The following SGPL1 variants were observed in gnomAD, a reference collection of about 807,000 sequenced individuals.
The protein encoded by SGPL1 is SP-lyase 1.
In SGPL1, 37 loss-of-function variants were observed where a neutral mutation model predicts 68.9. The ratio of observed to expected loss-of-function variants is 0.54; its 90% CI spans 0.41 to 0.71. The LOEUF (loss-of-function observed/expected upper bound fraction) is 0.71. Among genes scored for constraint, SGPL1 ranks in the 30% least tolerant of loss-of-function variants. The pLI is 0.00. For missense variants in SGPL1, 551 were observed against 704.6 expected (o/e 0.78, Z 2.47); for synonymous variants, 236 against 248.5 (o/e 0.95, Z 0.47).
At chr10:70,845,818 A>T (rs187002266) in intron 3 of SGPL1, among the ~76,000 whole-genome samples, 2 of 152,270 alleles carry the variant, frequency 1.3e-5, no homozygotes, top group Non-Finnish European at 2.9e-5. Context: ...GGGATAAGAA[A>T]ACAGTAACAT....
intron 7 of SGPL1, among the ~76,000 whole-genome samples, chr10:70,863,143 T>C (rs2131922891): frequency 6.6e-6 from 1 of 152,116 alleles, no homozygotes; most frequent in African/African-American, 2.4e-5. Flanking sequence ...TGCACCACCA[T>C]GCCTCGCTAA....
Position 70,873,407 on chromosome 10 carries a change from GA to G in SGPL1, c.1118del (p.Asn373ThrfsTer36). 2 of 1,614,232 alleles carry G rather than the reference GA, an allele frequency of 1.2e-6. No individual in the cohort carries two copies. Among genetic ancestry groups the G allele is most frequent in the Non-Finnish European group, 1.7e-6 (2 of 1,180,034 alleles). On this transcript the variant is annotated frameshift_variant, in exon 12 of 15. Transcript: ENST00000373202. LOFTEE classifies it high-confidence loss of function. ...LVLYSDKKYR[N>X]YQFFVDTDWQ... ...TGTTGTATAGTGACAAGAAGTACAGGAACTATCAGTTCTTCGTCGATACAGA... is the reference window on the plus strand; with the variant it reads ...TGTTGTATAGTGACAAGAAGTACAGGACTATCAGTTCTTCGTCGATACAGA...
chr10:70,876,670 A>G lies in SGPL1; in HGVS notation c.1566+9A>G, dbSNP rs763594645. ...CGAAGACCACAGGAATGGTAGGGAC[A>G]CTTGGAGTTTTTTTTCTTCTCTTGG... On this transcript the variant is annotated intron_variant, in intron 14 of 14. Coordinates refer to ENST00000373202, the MANE Select transcript of SGPL1 (RefSeq NM_003901.4). 1.9e-6 allele frequency: 3 copies of G among 1,601,800 alleles called. No individual in the cohort carries two copies. Among genetic ancestry groups the G allele is most frequent in the Non-Finnish European group, 2.5e-6 (3 of 1,176,518 alleles).
At chr10:70,817,549 T>C (rs1234670634) in intron 2 of SGPL1, among the ~76,000 whole-genome samples, 1 of 152,208 alleles carries the variant, frequency 6.6e-6, no homozygotes, top group African/African-American at 2.4e-5. Context: ...GTGATCCTCT[T>C]GCTTCAGCCT....
At chr10:70,824,423 A>C (rs929607093) in intron 2 of SGPL1, among the ~76,000 whole-genome samples, 1 of 152,240 alleles carries the variant, frequency 6.6e-6, no homozygotes, top group African/African-American at 2.4e-5. Context: ...ATTAGCGACC[A>C]CAATTTCAAC....
chr10:70,841,753 C>G (rs1391123544), intron 2 of SGPL1, among the ~76,000 whole-genome samples: 7 of 152,100 alleles, frequency 4.6e-5, no homozygotes, highest in Admixed American at 2.6e-4. Flanking sequence ...TGTCCTTTTT[C>G]TAAGCTTTCA....
rs1260688040 is a variant in SGPL1 at position 70,844,502 on chromosome 10, G to A, written c.57G>A (p.Leu19=). 6.2e-7 allele frequency: 1 copy of A among 1,613,808 alleles called. No individual in the cohort carries two copies. Among genetic ancestry groups the A allele is most frequent in the Non-Finnish European group, 8.5e-7 (1 of 1,179,838 alleles). ...CCTTTGAGCCCTACTTAGAGATTTT[G>A]GAAGTATACTCCACAAAAGCCAAGA... The part of the protein sequence containing the change: ...LKAFEPYLEI[L]EVYSTKAKNY... The change falls in exon 3 of 15, where the codon TTG becomes TTA. Residue 19 remains leucine, a synonymous_variant. Transcript: ENST00000373202.
chr10:70,835,658 C>A (rs1845615651), intron 2 of SGPL1, among the ~76,000 whole-genome samples: 1 of 150,678 alleles, frequency 6.6e-6, no homozygotes, highest in Non-Finnish European at 1.5e-5. Flanking sequence ...ATGGCTTGAA[C>A]CCGGGAGGTG....
At chr10:70,855,116 T>C (rs372376377) in intron 5 of SGPL1, among the ~76,000 whole-genome samples, 15 of 152,230 alleles carry the variant, frequency 9.9e-5, no homozygotes, top group African/African-American at 3.1e-4. Context: ...CAAATATATT[T>C]GTGTTTAAGA....
At chr10:70,861,015 C>G (rs1209428693) in intron 7 of SGPL1, among the ~76,000 whole-genome samples, 8 of 151,394 alleles carry the variant, frequency 5.3e-5, no homozygotes, top group Non-Finnish European at 7.4e-5. Context: ...TCTTTGAAAG[C>G]CTTTTTTCTC....
intron 7 of SGPL1, among the ~76,000 whole-genome samples, chr10:70,867,189 T>C (rs569127531): frequency 6.6e-6 from 1 of 152,206 alleles, no homozygotes; most frequent in South Asian, 2.1e-4. Context: ...CATTCTCATA[T>C]ATTATTTTTT....
At chr10:70,851,050 C>G in intron 3 of SGPL1, 93 bp from the exon 4 acceptor site, 1 of 926,072 alleles carries the variant, frequency 1.1e-6, no homozygotes, top group Non-Finnish European at 1.7e-6. Flanking sequence ...AATTGGAAGG[C>G]AAGTGAGGTG....
chr10:70,827,988 T>C (rs1475021076), intron 2 of SGPL1, among the ~76,000 whole-genome samples: 1 of 152,218 alleles, frequency 6.6e-6, no homozygotes, highest in Non-Finnish European at 1.5e-5. Context: ...CTTATTGCTG[T>C]GTAGTGTTAC....
At chr10:70,832,341 A>T (rs973366637) in intron 2 of SGPL1, among the ~76,000 whole-genome samples, 12 of 152,214 alleles carry the variant, frequency 7.9e-5, no homozygotes, top group African/African-American at 2.7e-4. Context: ...AGCTTTAGTT[A>T]GGTTACACTT....
intron 12 of SGPL1, among the ~76,000 whole-genome samples, chr10:70,874,993 A>G (rs933612377): frequency 4.6e-5 from 7 of 152,378 alleles, no homozygotes; most frequent in Admixed American, 1.3e-4. Flanking sequence ...AAGACCTGCT[A>G]TACCATTTCT....
chr10:70,853,090 T>C (rs1311070294), intron 4 of SGPL1, among the ~76,000 whole-genome samples: 1 of 152,244 alleles, frequency 6.6e-6, no homozygotes, highest in East Asian at 1.9e-4. Flanking sequence ...TCAGCTTTCA[T>C]AGCCTGTTCT....
At chr10:70,822,298 A>T (rs1449053718) in intron 2 of SGPL1, among the ~76,000 whole-genome samples, 4 of 152,222 alleles carry the variant, frequency 2.6e-5, no homozygotes, top group Non-Finnish European at 5.9e-5. Flanking sequence ...TTATAGATGA[A>T]ACAGAGCTGT....
At chr10:70,824,798 A>G (rs1385837660) in intron 2 of SGPL1, among the ~76,000 whole-genome samples, 1 of 152,166 alleles carries the variant, frequency 6.6e-6, no homozygotes, top group Non-Finnish European at 1.5e-5. Context: ...GACATTTTCT[A>G]AATAAAAGCT....
chr10:70,869,818 C>T lies in SGPL1; in HGVS notation c.731C>T (p.Ala244Val). Residue 244 changes from alanine (A) to valine (V), a missense_variant, in exon 9 of 15, where the codon GCA (alanine) becomes GTA (valine). By Grantham distance (64) the Ala-to-Val change is moderately conservative. Coordinates refer to ENST00000373202, the MANE Select transcript of SGPL1 (RefSeq NM_003901.4). ...EIVAPQSAHAAFNKAASYFGM... is the reference protein window; with the variant it reads ...EIVAPQSAHAVFNKAASYFGM... Reference sequence around the variant, plus strand: ...GTGGCTCCCCAAAGTGCCCATGCTGCATTTAACAAAGCAGCCAGTTACTTT... The same window carrying T: ...GTGGCTCCCCAAAGTGCCCATGCTGTATTTAACAAAGCAGCCAGTTACTTT... 6.2e-7 allele frequency: 1 copy of T among 1,614,084 alleles called. No homozygotes were observed. The highest frequency in any genetic ancestry group is 2.2e-5 in the East Asian group (1 of 44,870).
Sources: gnomAD v4.1 joint callset for allele counts (sites outside exome capture counted in the v4.1 genomes callset) on GRCh38, gnomAD v4.1.1 for gene constraint, MANE v1.5 for transcripts, NCBI Gene and HGNC (gene_info 2026-07-23, HGNC 2026-07-21) for gene names.